The following ZDBF2 variants were observed in gnomAD, a reference collection of about 807,000 sequenced individuals.
The protein encoded by ZDBF2 is DBF4-type zinc finger-containing protein 2.
In ZDBF2, 6 loss-of-function variants were observed where a neutral mutation model predicts 9.4. The observed-to-expected ratio is 0.64, with a 90% CI of 0.35 to 1.27. The LOEUF (loss-of-function observed/expected upper bound fraction) is 1.27, where lower values mean the gene tolerates loss of function less well. ZDBF2 is among the 50% of genes most tolerant of loss of function. The probability of loss-of-function intolerance (pLI) is 0.03; values close to 1 mark genes in which losing one functional copy is unlikely to be tolerated. For synonymous variants in ZDBF2, 905 were observed against 946.3 expected, an observed-to-expected ratio of 0.96 and a Z score of 0.80; for missense variants, 2,697 against 2,766.8, an observed-to-expected ratio of 0.97 and a Z score of 0.57.
chr2:206,305,942 A>G lies in ZDBF2; in HGVS notation c.1414A>G (p.Ile472Val), dbSNP rs779795729. The stretch of plus-strand genomic sequence containing the variant: ...CCAATCCCAAATGATTGTTAAAGAA[A>G]TAAGTCTTCAGAATGCAAGGCATAT... Reference protein sequence around the residue: ...TNQSQMIVKEISLQNARHISL... With the variant: ...TNQSQMIVKEVSLQNARHISL... The change falls in exon 5 of 5, where the codon ATA (isoleucine) becomes GTA (valine). Residue 472 changes from isoleucine (I) to valine (V), a missense_variant. Transcript: ENST00000374423. 4.3e-6 allele frequency: 7 copies of G among 1,613,478 alleles called. No individual in the cohort carries two copies. In the Admixed American group the frequency reaches 5.0e-5, roughly 12 times the overall value.
chr2:206,276,637 C>G (rs1173123058), intron 1 of ZDBF2, among the ~76,000 whole-genome samples: 6 of 152,168 alleles, frequency 3.9e-5, no homozygotes, highest in Non-Finnish European at 7.4e-5. Flanking sequence ...GATCACATCT[C>G]AGTTACGCTG....
chr2:206,309,698 G>A lies in ZDBF2; in HGVS notation c.5170G>A (p.Ala1724Thr), dbSNP rs1397814888. The stretch of plus-strand genomic sequence containing the variant: ...TTCCAAGTCAGCGCTCCATCGAAGG[G>A]CTGATAAAAAAAAACGTTCGAAGCT... ...ASSKSALHRR[A>T]DKKKRSKLKH... The change falls in exon 5 of 5, where the codon GCT becomes ACT. Residue 1724 changes from alanine to threonine, a missense_variant. Around this residue, in one of 3 missense-constraint regions of ZDBF2, gnomAD observed 1,783 missense variants for 1,776.5 expected, o/e 1.00. Transcript: ENST00000374423. 1 of 1,613,730 alleles carries A rather than the reference G, an allele frequency of 6.2e-7. No homozygotes were observed. Among genetic ancestry groups the A allele is most frequent in the Non-Finnish European group, 8.5e-7 (1 of 1,179,852 alleles).
chr2:206,290,104 A>G (rs554632035), intron 3 of ZDBF2, among the ~76,000 whole-genome samples: 1 of 152,294 alleles, frequency 6.6e-6, no homozygotes, highest in Non-Finnish European at 1.5e-5. Context: ...CCATTTGTTG[A>G]AGACTATCCT....
chr2:206,304,360 G>GT (rs1345279160), intron 4 of ZDBF2, among the ~76,000 whole-genome samples: 3 of 152,196 alleles, frequency 2.0e-5, no homozygotes, highest in African/African-American at 4.8e-5. Context: ...GGAAAATAGT[G>GT]TAAGATTCCC....
In ZDBF2 at chr2:206,309,233, GA is replaced by G; in HGVS notation, c.4706del (p.Asp1569ValfsTer2). The G allele has an allele frequency of 6.2e-7, 1 of 1,606,532 alleles. No homozygotes were observed. ...DISCINTECI[D>X]IEDKSCDFFG... ...CAGCTGTATAAATACAGAATGTATTGATATAGAAGATAAGAGCTGTGACTTT... is the reference window on the plus strand; with the variant it reads ...CAGCTGTATAAATACAGAATGTATTGTATAGAAGATAAGAGCTGTGACTTT... On this transcript the variant is annotated frameshift_variant, in exon 5 of 5. Coordinates refer to ENST00000374423, the MANE Select transcript of ZDBF2 (RefSeq NM_020923.3). LOFTEE classifies it low-confidence loss of function (END_TRUNC).
chr2:206,311,856 C>T lies in ZDBF2; in HGVS notation c.*263C>T, dbSNP rs563162460. ...TTTATGTCACAAAATAATTTAGCAC[C>T]GTATATAGAATTTTGTTCCTCAAAT... On this transcript the variant is annotated 3_prime_UTR_variant, in exon 5 of 5. Transcript: ENST00000374423. 9.0e-5 allele frequency: 21 copies of T among 232,218 alleles called. No individual in the cohort carries two copies. Among genetic ancestry groups the T allele is most frequent in the South Asian group, 3.4e-4 (2 of 5,820 alleles). The allele number at this position is 232,218 out of a possible 1,614,324, so 14.4% of individuals were successfully genotyped here.
In ZDBF2 at chr2:206,303,092, ACTTAAACTAAGTTTT is replaced by A. The variant is rs1462311722; in HGVS notation, c.189-1613_189-1599del. 2.0e-5 allele frequency among the ~76,000 whole-genome samples: 3 copies of A among 150,230 alleles called. No homozygotes were observed. The East Asian group carries it at 5.8e-4, about 29-fold the overall frequency. ...GGTTTATTCAGACTTCTTAGTTTCT[ACTTAAACTAAGTTTT>A]CTTAAACTAAGATTTCCTTAGTTTT... is the stretch of plus-strand genomic sequence containing the variant. On this transcript the variant is annotated intron_variant, in intron 4 of 4. Transcript: ENST00000374423.
chr2:206,274,958 G>C lies in ZDBF2; in HGVS notation c.-103+12G>C, dbSNP rs1272374723. ...CAGCCTCCGCGGAGGTGAGTGCCGC[G>C]GCGGGGGCGGGGCGCGGCCGGGGCG... On this transcript the variant is annotated intron_variant, in intron 1 of 4. Coordinates refer to ENST00000374423, the MANE Select transcript of ZDBF2 (RefSeq NM_020923.3). 1 of 150,070 alleles carries C rather than the reference G, an allele frequency of 6.7e-6. No homozygotes were observed. The highest frequency in any genetic ancestry group is 2.4e-5 in the African/African-American group (1 of 41,180). 9.3% of individuals were successfully genotyped at this position (150,070 alleles called of 1,614,324 possible). A position where few individuals can be genotyped will look rare whatever the true frequency, so the allele number is the denominator to read the frequency against.
Position 206,304,837 on chromosome 2 carries a change from C to T in ZDBF2, c.309C>T (p.Thr103=), listed in dbSNP as rs895749018. Residue 103 remains threonine, a synonymous_variant, in exon 5 of 5, where the codon ACC becomes ACT. Coordinates refer to ENST00000374423, the MANE Select transcript of ZDBF2 (RefSeq NM_020923.3). ...DEDKVEDEDA[T]EERPSEVSEP... ...ATAAGGTTGAGGATGAGGATGCTAC[C>T]GAAGAGAGACCATCCGAGGTTTCAG... The T allele has an allele frequency of 3.7e-6, 6 of 1,613,384 alleles. No homozygotes were observed. The highest frequency in any genetic ancestry group is 1.3e-5 in the African/African-American group (1 of 74,812).
chr2:206,276,956 C>G (rs1386540022), intron 1 of ZDBF2, among the ~76,000 whole-genome samples: 3 of 152,176 alleles, frequency 2.0e-5, no homozygotes. Context: ...GAGGAACTGA[C>G]ACTGAATTAG....
At chr2:206,283,854 G>A (rs1234298007) in intron 3 of ZDBF2, among the ~76,000 whole-genome samples, 2 of 152,062 alleles carry the variant, frequency 1.3e-5, no homozygotes, top group South Asian at 2.1e-4. Flanking sequence ...GTAGAGATGG[G>A]GTCTCACTAT....
At position 206,311,380 on chromosome 2, in the gene ZDBF2, C is replaced by G. The variant is rs373500131; in HGVS notation, c.6852C>G (p.Ser2284Arg). The change falls in exon 5 of 5, where the codon AGC becomes AGG. Residue 2284 changes from serine to arginine, a missense_variant. By Grantham distance (110) the Ser-to-Arg change is moderately radical. Around this residue, in one of 3 missense-constraint regions of ZDBF2, gnomAD observed 1,783 missense variants for 1,776.5 expected, o/e 1.00. Coordinates refer to ENST00000374423, the MANE Select transcript of ZDBF2 (RefSeq NM_020923.3). ...VPPAGAEELS[S>R]AMANPPPKRP... ...CAGCTGGTGCCGAAGAGCTGTCAAG[C>G]GCTATGGCAAATCCTCCTCCAAAGC... The G allele has an allele frequency of 2.5e-6, 4 of 1,606,294 alleles. No homozygotes were observed. The highest frequency in any genetic ancestry group is 3.4e-6 in the Non-Finnish European group (4 of 1,176,268).
At chr2:206,291,527 C>T (rs1032358676) in intron 3 of ZDBF2, among the ~76,000 whole-genome samples, 1 of 152,080 alleles carries the variant, frequency 6.6e-6, no homozygotes, top group African/African-American at 2.4e-5. Context: ...TTTATAAGGC[C>T]GCCAATCCTA....
chr2:206,293,400 G>T (rs772068389), intron 3 of ZDBF2, among the ~76,000 whole-genome samples: 2 of 152,134 alleles, frequency 1.3e-5, no homozygotes, highest in Non-Finnish European at 2.9e-5. Context: ...GGTAAAGAGA[G>T]ATTTCTGGCC....
rs901184440 is a variant in ZDBF2, at chr2:206,308,245, G to A, written c.3717G>A (p.Lys1239=). 3.1e-6 allele frequency: 5 copies of A among 1,613,764 alleles called. No homozygotes were observed. The highest frequency in any genetic ancestry group is 3.3e-5 in the Admixed American group (2 of 59,966). The change falls in exon 5 of 5, where the codon AAG becomes AAA. Residue 1239 remains lysine, a synonymous_variant. Coordinates refer to ENST00000374423, the MANE Select transcript of ZDBF2 (RefSeq NM_020923.3). The stretch of plus-strand genomic sequence containing the variant: ...CGGAAGATAGGAGAAATGAAGCTAA[G>A]GGTTTTGAAATTATGTATGATTCTG... ...VDTEDRRNEA[K]GFEIMYDSDV...
rs1691340186 is a variant in ZDBF2, at chr2:206,281,926, A to C, written c.60+17A>C. ...CTGGAACAGGTGAGCGGTTTCTATT[A>C]ATATGATAATATCTCAAAGGACCTA... On this transcript the variant is annotated intron_variant, in intron 3 of 4. Coordinates refer to ENST00000374423, the MANE Select transcript of ZDBF2 (RefSeq NM_020923.3). The C allele has an allele frequency of 1.2e-6, 2 of 1,602,856 alleles. No individual in the cohort carries two copies. Among genetic ancestry groups the C allele is most frequent in the Non-Finnish European group, 1.7e-6 (2 of 1,174,072 alleles).
intron 4 of ZDBF2, among the ~76,000 whole-genome samples, chr2:206,304,408 G>C (rs140917554): frequency 6.6e-6 from 1 of 152,282 alleles, no homozygotes; most frequent in East Asian, 1.9e-4. Flanking sequence ...ACAAAGTTAA[G>C]TAACATATGT....
chr2:206,290,949 A>G (rs1290069485), intron 3 of ZDBF2, among the ~76,000 whole-genome samples: 4 of 152,174 alleles, frequency 2.6e-5, no homozygotes, highest in African/African-American at 7.2e-5. Context: ...TCAGTCTTTC[A>G]TCATTAAGTT....
chr2:206,308,538 TTCAG>T lies in ZDBF2; in HGVS notation c.4016_4019del (p.Ser1339Ter). 6.2e-7 allele frequency: 1 copy of T among 1,613,446 alleles called. No homozygotes were observed. Among genetic ancestry groups the T allele is most frequent in the African/African-American group, 1.3e-5 (1 of 74,916 alleles). Reference sequence around the variant, plus strand: ...ATAATTTATGTTTCAAATATCCCTCTTCAGTCAGTGATAAAACAACCACACATTT... The same window carrying T: ...ATAATTTATGTTTCAAATATCCCTCTTCAGTGATAAAACAACCACACATTT... On this transcript the variant is annotated frameshift_variant, in exon 5 of 5. Transcript: ENST00000374423. LOFTEE classifies it low-confidence loss of function (END_TRUNC).
Sources: allele counts gnomAD v4.1 joint callset (sites outside exome capture counted in the v4.1 genomes callset), GRCh38; gene constraint gnomAD v4.1.1; regional missense constraint gnomAD v4.1.1; transcripts MANE v1.5; gene names NCBI Gene and HGNC (gene_info 2026-07-23, HGNC 2026-07-21).